PCDHGA2: variants seen among roughly 807,000 people sequenced by gnomAD.
PCDHGA2 encodes protocadherin gamma-A2.
Under a neutral mutation model 59.2 loss-of-function variants are expected in PCDHGA2, and 40 were observed. The ratio of observed to expected loss-of-function variants is 0.68; its 90% confidence interval spans 0.52 to 0.88. The LOEUF (loss-of-function observed/expected upper bound fraction) is 0.88, where lower values mean the gene tolerates loss of function less well. Ranked by LOEUF, PCDHGA2 falls within the 40% of genes least tolerant of loss-of-function variation. The pLI, the probability that PCDHGA2 is intolerant of heterozygous loss-of-function variation, is 0.00. For missense variants in PCDHGA2, 1,226 were observed against 1,204.0 expected, an observed-to-expected ratio of 1.02 and a Z score of -0.27; for synonymous variants, 560 against 526.0, an observed-to-expected ratio of 1.06 and a Z score of -0.89.
chr5:141,489,375 G>T lies in PCDHGA2; in HGVS notation c.2425-5432G>T. 6.2e-7 allele frequency: 1 copy of T among 1,613,826 alleles called. No homozygotes were observed. Among genetic ancestry groups the T allele is most frequent in the Non-Finnish European group, 8.5e-7 (1 of 1,179,724 alleles). On this transcript the variant is annotated intron_variant, in intron 1 of 3. Transcript: ENST00000394576. This position sits in a 1 kb window ranked among gnomAD's most constrained non-coding sequence, Gnocchi z 4.5. ...AGGAGTCTGAGCCGGGGACGCTGGT[G>T]GGGAATGTTGCTCAGGATCTGGGCT...
chr5:141,354,940 G>T (rs1298190713), intron 1 of PCDHGA2: 4 of 423,462 alleles, frequency 9.4e-6, no homozygotes, highest in African/African-American at 2.0e-5. Flanking sequence ...TTTTAACCAA[G>T]AATAAATTGC....
intron 1 of PCDHGA2, chr5:141,418,910 T>C: frequency 6.2e-7 from 1 of 1,613,936 alleles, no homozygotes; most frequent in East Asian, 2.2e-5. Flanking sequence ...AATCATCACG[T>C]CACTCTCTGA....
chr5:141,381,977 G>A lies in PCDHGA2; in HGVS notation c.2424+40582G>A, dbSNP rs61025717. Among the ~76,000 whole-genome samples, 1,494 of 151,364 alleles carry A rather than the reference G, an allele frequency of 9.9e-3. 24 individuals are homozygous for A. The highest frequency in any genetic ancestry group is 0.034 in the African/African-American group (1,395 of 41,190). On this transcript the variant is annotated intron_variant, in intron 1 of 3. Coordinates refer to ENST00000394576, the MANE Select transcript of PCDHGA2 (RefSeq NM_018915.4). ...CCTGAGTAGCTGGGATTACAGGCGC[G>A]CGCCACCACGCCCGGATAATTTTGT...
chr5:141,415,761 T>TG (rs1485369884), intron 1 of PCDHGA2: 1 of 1,399,490 alleles, frequency 7.1e-7, no homozygotes, highest in Non-Finnish European at 9.3e-7. Flanking sequence ...TTTTTTTTTT[T>TG]TTTTTTTTTT....
chr5:141,418,282 A>T (rs1209026046), intron 1 of PCDHGA2: 2 of 1,614,030 alleles, frequency 1.2e-6, no homozygotes, highest in Non-Finnish European at 1.7e-6. Flanking sequence ...TAAACTTAGA[A>T]ATCAGTGAAT....
rs2099400874 is a variant in PCDHGA2 at position 141,476,888 on chromosome 5, C to T, written c.2425-17919C>T. On this transcript the variant is annotated intron_variant, in intron 1 of 3. Transcript: ENST00000394576. This position sits in a 1 kb window ranked among gnomAD's most constrained non-coding sequence, Gnocchi z 7.6. ...CCGGGCGCGCGTCCTGGAGGATGCA[C>T]CCTCCGGCACGCGCGTGGTACAAGT... is the stretch of plus-strand genomic sequence containing the variant. 1.2e-6 allele frequency: 2 copies of T among 1,613,964 alleles called. No homozygotes were observed. The highest frequency in any genetic ancestry group is 1.7e-6 in the Non-Finnish European group (2 of 1,180,030).
At chr5:141,352,186 G>A (rs767244296) in intron 1 of PCDHGA2, 3 of 1,613,870 alleles carry the variant, frequency 1.9e-6, no homozygotes, top group Non-Finnish European at 2.5e-6. Context: ...TGGTCGCTGT[G>A]CGTGATGGAG....
intron 1 of PCDHGA2, chr5:141,388,897 A>G (rs768114504): frequency 6.2e-7 from 1 of 1,613,994 alleles, no homozygotes; most frequent in Non-Finnish European, 8.5e-7. Context: ...GTCATAGATG[A>G]AAATGACAAC....
In PCDHGA2 at chr5:141,404,896, C is replaced by T. The variant is rs182502698; in HGVS notation, c.2424+63501C>T. ...AGAGCCTTGTGGTGGCTGTACAGGA[C>T]CATGGCCAGCCCCCTCTCTCGGCCA... On this transcript the variant is annotated intron_variant, in intron 1 of 3. Transcript: ENST00000394576. The T allele has an allele frequency of 3.7e-5, 59 of 1,613,884 alleles. No homozygotes were observed. The Admixed American group carries it at 8.3e-4, about 23-fold the overall frequency.
chr5:141,360,233 T>C lies in PCDHGA2; in HGVS notation c.2424+18838T>C, dbSNP rs770644210. ...TTCCCCGGGGCTCTCCCAGTCCAGA[T>C]CCGCTATTCAATTCCAGAGGAGCTG... On this transcript the variant is annotated intron_variant, in intron 1 of 3. Transcript: ENST00000394576. 1.9e-6 allele frequency: 3 copies of C among 1,613,862 alleles called. No individual in the cohort carries two copies. The highest frequency in any genetic ancestry group is 1.7e-5 in the Admixed American group (1 of 60,000).
intron 1 of PCDHGA2, among the ~76,000 whole-genome samples, chr5:141,443,728 C>A (rs1434984241): frequency 1.3e-5 from 2 of 152,060 alleles, no homozygotes; most frequent in African/African-American, 2.4e-5. Flanking sequence ...ATTCCTCATA[C>A]ATTTCCCTAT....
intron 1 of PCDHGA2, chr5:141,362,239 CTCT>C (rs1588573433): frequency 1.2e-6 from 2 of 1,614,060 alleles, no homozygotes; most frequent in East Asian, 2.2e-5. Flanking sequence ...GATCTCAGTG[CTCT>C]TCTTCCTCGC....
chr5:141,413,739 C>A (rs748041372), intron 1 of PCDHGA2: 1 of 1,613,424 alleles, frequency 6.2e-7, no homozygotes, highest in South Asian at 1.1e-5. Context: ...GAGTTCAGAG[C>A]CGTGCCAATG....
intron 1 of PCDHGA2, chr5:141,344,711 G>A (rs530004756): frequency 1.1e-4 from 170 of 1,613,938 alleles, no homozygotes; most frequent in Non-Finnish European, 1.4e-4. Context: ...CTGGCAACTT[G>A]CACATCCAAG....
At chr5:141,405,575 G>C in intron 1 of PCDHGA2, 1 of 598,040 alleles carries the variant, frequency 1.7e-6, no homozygotes. Flanking sequence ...GAGTAGAGTA[G>C]CTGGGACTAC....
chr5:141,478,164 C>A (rs202185809), intron 1 of PCDHGA2: 2 of 1,614,010 alleles, frequency 1.2e-6, no homozygotes, highest in African/African-American at 1.3e-5. Context: ...GGCTCTGCCC[C>A]CCGGGAGCAG....
chr5:141,344,052 T>G, intron 1 of PCDHGA2: 1 of 1,556,868 alleles, frequency 6.4e-7, no homozygotes, highest in Non-Finnish European at 8.7e-7. Flanking sequence ...TTGCCTGAGT[T>G]TCCGAAATGG....
Position 141,404,333 on chromosome 5 carries a change from C to T in PCDHGA2, c.2424+62938C>T, listed in dbSNP as rs181615917. On this transcript the variant is annotated intron_variant, in intron 1 of 3. Transcript: ENST00000394576. ...CTCTCAAGCCTCCTACTCAGTCTACCTCCCGGAAAACAACGCCAGAGGTAC... is the reference window on the plus strand; with the variant it reads ...CTCTCAAGCCTCCTACTCAGTCTACTTCCCGGAAAACAACGCCAGAGGTAC... The T allele has an allele frequency of 3.8e-5, 62 of 1,613,854 alleles. No homozygotes were observed. The East Asian group carries it at 8.5e-4, about 22-fold the overall frequency.
chr5:141,390,645 G>C (rs1287845868), intron 1 of PCDHGA2: 1 of 218,998 alleles, frequency 4.6e-6, no homozygotes, highest in Admixed American at 5.3e-5. Context: ...ACTTTTTTCA[G>C]CTTGGATATA....
Sources: allele counts gnomAD v4.1 joint callset (sites outside exome capture counted in the v4.1 genomes callset), GRCh38; gene constraint gnomAD v4.1.1; non-coding constraint Gnocchi (gnomAD v3.1); transcripts MANE v1.5; gene names NCBI Gene and HGNC (gene_info 2026-07-23, HGNC 2026-07-21).